The following KLB variants were observed in gnomAD, a reference collection of about 807,000 sequenced individuals.
KLB encodes klotho beta.
Under a neutral mutation model 88.4 loss-of-function variants are expected in KLB, and 44 were observed. That is an observed-to-expected ratio of 0.50 (90% CI 0.39 to 0.64). KLB has a LOEUF of 0.64. Among genes scored for constraint, KLB ranks in the 30% least tolerant of loss-of-function variants. The probability of loss-of-function intolerance (pLI) is 0.00; values close to 1 mark genes in which losing one functional copy is unlikely to be tolerated. For synonymous variants in KLB, 548 were observed against 513.4 expected (o/e 1.07, Z -0.91); for missense variants, 1,137 against 1,304.8 (o/e 0.87, Z 1.98).
At chr4:39,415,394 C>A (rs1196026807) in intron 1 of KLB, among the ~76,000 whole-genome samples, 1 of 151,872 alleles carries the variant, frequency 6.6e-6, no homozygotes, top group Non-Finnish European at 1.5e-5. Flanking sequence ...TTTGGGAGGT[C>A]GACACAGGAG....
intron 2 of KLB, 48 bp downstream of exon 2, chr4:39,434,768 G>T: frequency 6.9e-7 from 1 of 1,438,942 alleles, no homozygotes; most frequent in Non-Finnish European, 9.5e-7. Flanking sequence ...AAAACTTACA[G>T]GATATTTAAA....
chr4:39,441,958 C>G (rs1743607680), intron 3 of KLB, among the ~76,000 whole-genome samples: 1 of 152,068 alleles, frequency 6.6e-6, no homozygotes, highest in Non-Finnish European at 1.5e-5. Context: ...ATTACTAAGC[C>G]AGACCGGGCA....
intron 3 of KLB, 116 bp downstream of exon 3, chr4:39,438,111 G>A (rs1743522461): frequency 1.0e-6 from 1 of 966,146 alleles, no homozygotes; most frequent in African/African-American, 1.6e-5. Flanking sequence ...ACAATTGTAT[G>A]GAGGTTATGA....
chr4:39,431,646 GTA>G (rs1743365007), intron 1 of KLB, among the ~76,000 whole-genome samples: 1 of 152,174 alleles, frequency 6.6e-6, no homozygotes, highest in Non-Finnish European at 1.5e-5. Context: ...GTGGACAGAG[GTA>G]TACCTCAAGG....
intron 1 of KLB, among the ~76,000 whole-genome samples, chr4:39,433,221 A>G (rs1743399964): frequency 6.6e-6 from 1 of 152,048 alleles, no homozygotes; most frequent in Admixed American, 6.6e-5. Flanking sequence ...TGAGGATACT[A>G]AGAGATTTCA....
Position 39,407,117 on chromosome 4 carries a change from T to C in KLB, c.168T>C (p.Asp56=). ...LLRAVTGFSG[D]GRAIWSKNPN... ...GAGCTGTTACTGGATTCTCTGGAGA[T>C]GGAAGAGCTATATGGTCTAAAAATC... The change falls in exon 1 of 5, where the codon GAT becomes GAC. Residue 56 remains aspartate, a synonymous_variant. Transcript: ENST00000257408. 1 of 1,614,196 alleles carries C rather than the reference T, an allele frequency of 6.2e-7. No homozygotes were observed. The highest frequency in any genetic ancestry group is 8.5e-7 in the Non-Finnish European group (1 of 1,180,032).
rs1743737486 is a variant in KLB at position 39,446,009 on chromosome 4, T to G, written c.1606-323T>G. Among the ~76,000 whole-genome samples, 1 of 152,150 alleles carries G rather than the reference T, an allele frequency of 6.6e-6. No homozygotes were observed. Among genetic ancestry groups the G allele is most frequent in the Non-Finnish European group, 1.5e-5 (1 of 68,026 alleles). ...CAGGGTTTAGAATCTCTTTTGTAAT[T>G]GCTTTTAATTGAGTGTACCAAGCCA... is the stretch of plus-strand genomic sequence containing the variant. On this transcript the variant is annotated intron_variant, in intron 3 of 4. Transcript: ENST00000257408. The surrounding 1 kb of genome is among the most constrained non-coding windows in gnomAD (Gnocchi z 6.4).
intron 1 of KLB, among the ~76,000 whole-genome samples, chr4:39,431,056 A>C (rs1743347812): frequency 6.7e-6 from 1 of 149,374 alleles, no homozygotes; most frequent in African/African-American, 2.5e-5. Context: ...AGCTGGGACT[A>C]CAGGCACGTA....
At chr4:39,411,311 TTTTTG>T (rs139890679) in intron 1 of KLB, among the ~76,000 whole-genome samples, 1 of 141,898 alleles carries the variant, frequency 7.0e-6, no homozygotes, top group African/African-American at 2.7e-5. Context: ...ACTAAGGTTT[TTTTTG>T]TTTTGTTTTG....
At chr4:39,447,532 GAACA>G (rs1743784872) in intron 4 of KLB, 57 bp downstream of exon 4, 1 of 1,409,988 alleles carries the variant, frequency 7.1e-7, no homozygotes, top group Non-Finnish European at 9.5e-7. Flanking sequence ...TACCTGACAA[GAACA>G]AAGAATGGGA....
intron 2 of KLB, among the ~76,000 whole-genome samples, chr4:39,436,084 C>T (rs1743465353): frequency 6.6e-6 from 1 of 152,208 alleles, no homozygotes. Flanking sequence ...GTGACATCTA[C>T]AGGTGGCTGA....
At chr4:39,447,571 T>C (rs978703261) in intron 4 of KLB, 96 bp downstream of exon 4, 6 of 1,090,356 alleles carry the variant, frequency 5.5e-6, no homozygotes, top group Non-Finnish European at 7.6e-6. Flanking sequence ...CCTGACAGCA[T>C]CCAATTTGTG....
At chr4:39,441,502 A>C (rs984763910) in intron 3 of KLB, among the ~76,000 whole-genome samples, 1 of 152,156 alleles carries the variant, frequency 6.6e-6, no homozygotes, top group African/African-American at 2.4e-5. Flanking sequence ...CCTGTTCCTC[A>C]GATACTGTGA....
Position 39,446,525 on chromosome 4 carries a change from C to G in KLB, c.1799C>G (p.Ala600Gly). The change falls in exon 4 of 5, where the codon GCT becomes GGT. Residue 600 changes from alanine to glycine, a missense_variant. By Grantham distance (60) the Ala-to-Gly change is moderately conservative. Transcript: ENST00000257408. This position sits in a 1 kb window ranked among gnomAD's most constrained non-coding sequence, Gnocchi z 6.4. ...ARMKVTHYRFALDWASVLPTG... is the reference protein window; with the variant it reads ...ARMKVTHYRFGLDWASVLPTG... ...ATGAAAGTCACCCACTACCGGTTTG[C>G]TCTGGATTGGGCCTCGGTCCTTCCC... 1 of 1,614,224 alleles carries G rather than the reference C, an allele frequency of 6.2e-7. No individual in the cohort carries two copies. The highest frequency in any genetic ancestry group is 8.5e-7 in the Non-Finnish European group (1 of 1,180,036).
At chr4:39,413,156 T>C (rs1742891311) in intron 1 of KLB, among the ~76,000 whole-genome samples, 1 of 152,176 alleles carries the variant, frequency 6.6e-6, no homozygotes, top group Non-Finnish European at 1.5e-5. Context: ...AGAGGAAAGA[T>C]TTCTCTCTCC....
chr4:39,418,153 T>C (rs1743002974), intron 1 of KLB, among the ~76,000 whole-genome samples: 1 of 152,234 alleles, frequency 6.6e-6, no homozygotes, highest in Admixed American at 6.5e-5. Context: ...GTTGGGTTTT[T>C]CATTTGTCCT....
chr4:39,426,351 G>T (rs1743214490), intron 1 of KLB, among the ~76,000 whole-genome samples: 1 of 138,866 alleles, frequency 7.2e-6, no homozygotes, highest in Non-Finnish European at 1.5e-5. Flanking sequence ...GGAGAAGAAG[G>T]TTGCAATGAA....
intron 1 of KLB, among the ~76,000 whole-genome samples, chr4:39,423,128 G>A (rs1743125390): frequency 6.6e-6 from 1 of 151,878 alleles, no homozygotes; most frequent in East Asian, 1.9e-4. Context: ...ATCCAGCACA[G>A]GGGTGGTCCC....
At chr4:39,424,576 C>A (rs762864403) in intron 1 of KLB, among the ~76,000 whole-genome samples, 1 of 151,660 alleles carries the variant, frequency 6.6e-6, no homozygotes, top group African/African-American at 2.4e-5. Context: ...AGGCTCTACA[C>A]GTGATGGCCC....
Sources: allele counts gnomAD v4.1 joint callset (sites outside exome capture counted in the v4.1 genomes callset), GRCh38; gene constraint gnomAD v4.1.1; non-coding constraint Gnocchi (gnomAD v3.1); transcripts MANE v1.5; gene names NCBI Gene and HGNC (gene_info 2026-07-23, HGNC 2026-07-21).